Variants in KANK1 observed in about 807,000 individuals in gnomAD.
The protein encoded by KANK1 is KN motif and ankyrin repeat domains 1, also known as KN motif and ankyrin repeat domain-containing protein 1.
A neutral mutation model predicts 106.2 loss-of-function variants in KANK1; 109 were observed. The observed-to-expected ratio is 1.03, with a 90% CI of 0.88 to 1.20. The LOEUF (loss-of-function observed/expected upper bound fraction) is 1.20. Among genes scored for constraint, KANK1 ranks in the 50% most tolerant of loss-of-function variants. The pLI, the probability that KANK1 is intolerant of heterozygous loss-of-function variation, is 0.00. For synonymous variants in KANK1, 873 were observed against 652.2 expected (o/e 1.34, Z -5.16); for missense variants, 2,399 against 1,710.7 (o/e 1.40, Z -7.10).
chr9:472,360 C>G (rs767462029), intron 2 of KANK1, among the ~76,000 whole-genome samples: 10 of 152,188 alleles, frequency 6.6e-5, no homozygotes, highest in African/African-American at 1.9e-4. Context: ...TGAGAGATTT[C>G]CAACCCTCTG....
At chr9:653,548 G>T (rs1418537997) in intron 1 of KANK1, among the ~76,000 whole-genome samples, 2 of 152,102 alleles carry the variant, frequency 1.3e-5, no homozygotes, top group East Asian at 1.9e-4. Flanking sequence ...ATTTAATAAA[G>T]GCTGCAAAAC....
chr9:695,024 C>T (rs188256110), intron 2 of KANK1, among the ~76,000 whole-genome samples: 50 of 152,274 alleles, frequency 3.3e-4, no homozygotes, highest in African/African-American at 1.2e-3. Flanking sequence ...CACTGACCCC[C>T]CTCATTTTAA....
chr9:674,577 C>G (rs138185334), intron 1 of KANK1, among the ~76,000 whole-genome samples: 4 of 152,194 alleles, frequency 2.6e-5, no homozygotes, highest in East Asian at 3.9e-4. Flanking sequence ...TTTTTATTTA[C>G]TTATATTTCT....
At chr9:511,575 C>A (rs111698227) in intron 1 of KANK1, among the ~76,000 whole-genome samples, 106 of 152,008 alleles carry the variant, frequency 7.0e-4, no homozygotes, top group African/African-American at 2.5e-3. Context: ...TTGAGGCAGT[C>A]ACCTGTCCAG....
chr9:586,997 A>C (rs1428304675), intron 1 of KANK1, among the ~76,000 whole-genome samples: 3 of 152,222 alleles, frequency 2.0e-5, no homozygotes, highest in East Asian at 1.9e-4. Flanking sequence ...CCTCAAAAAC[A>C]TTTCTTTTTC....
At chr9:489,555 G>C (rs773060508) in intron 3 of KANK1, among the ~76,000 whole-genome samples, 1 of 152,186 alleles carries the variant, frequency 6.6e-6, no homozygotes, top group African/African-American at 2.4e-5. Context: ...AACTGGCCCA[G>C]ATTTGAAAAT....
rs2138876488 is a variant in KANK1, at chr9:676,905, G to C, written c.-68G>C. The C allele has an allele frequency of 1.5e-6, 2 of 1,307,078 alleles. No individual in the cohort carries two copies. The highest frequency in any genetic ancestry group is 2.3e-5 in the East Asian group (1 of 42,908). The allele number at this position is 1,307,078 out of a possible 1,614,324, so 81.0% of individuals were successfully genotyped here. On this transcript the variant is annotated 5_prime_UTR_variant, in exon 2 of 12. Coordinates refer to ENST00000382297, the MANE Select transcript of KANK1 (RefSeq NM_015158.5). ...ATTGTTTCAGGTTGAATGCCTTTGA[G>C]AACTTGATGCATAAAATTTGCATGA...
At chr9:734,458 G>C in intron 6 of KANK1, 1 of 277,716 alleles carries the variant, frequency 3.6e-6, no homozygotes, top group Non-Finnish European at 7.2e-6. Context: ...CTGAGGTCAG[G>C]AGTTCAAAAC....
At chr9:736,585 G>T (rs1767231032) in intron 7 of KANK1, among the ~76,000 whole-genome samples, 1 of 151,978 alleles carries the variant, frequency 6.6e-6, no homozygotes, top group Non-Finnish European at 1.5e-5. Flanking sequence ...CATGGTCCTA[G>T]CTACTTGGGA....
At chr9:694,363 C>T (rs1820706584) in intron 2 of KANK1, among the ~76,000 whole-genome samples, 1 of 152,182 alleles carries the variant, frequency 6.6e-6, no homozygotes, top group African/African-American at 2.4e-5. Flanking sequence ...CTTAGAACAG[C>T]ATGTTACTTT....
At chr9:701,192 C>T (rs1314396859) in intron 2 of KANK1, among the ~76,000 whole-genome samples, 1 of 152,184 alleles carries the variant, frequency 6.6e-6, no homozygotes, top group African/African-American at 2.4e-5. Context: ...TGGCTCACCA[C>T]AACCTCTGCC....
chr9:650,248 T>C (rs1204055977), intron 1 of KANK1, among the ~76,000 whole-genome samples: 1 of 152,198 alleles, frequency 6.6e-6, no homozygotes, highest in Non-Finnish European at 1.5e-5. Flanking sequence ...GAGTTTGGGA[T>C]TGGCCTCTGT....
chr9:734,125 A>G (rs1468095845), intron 6 of KANK1: 1 of 151,146 alleles, frequency 6.6e-6, no homozygotes, highest in Non-Finnish European at 1.5e-5. Context: ...AAAAAAAAAA[A>G]AAAAAAAACT....
upstream of KANK1, among the ~76,000 whole-genome samples, chr9:502,552 C>T (rs60064943): frequency 0.2 from 28,981 of 146,736 alleles, 5,928 homozygotes; most frequent in African/African-American, 0.54. Flanking sequence ...TTCTTAGAGT[C>T]GTGCTCTGTC....
chr9:745,347 G>T lies in KANK1; in HGVS notation c.*112G>T. 1 of 1,367,102 alleles carries T rather than the reference G, an allele frequency of 7.3e-7. No homozygotes were observed. The highest frequency in any genetic ancestry group is 1.0e-6 in the Non-Finnish European group (1 of 964,926). 84.7% of individuals were successfully genotyped at this position (1,367,102 alleles called of 1,614,324 possible). On this transcript the variant is annotated 3_prime_UTR_variant, in exon 12 of 12. Coordinates refer to ENST00000382297, the MANE Select transcript of KANK1 (RefSeq NM_015158.5). ...TTGTGCCTGAGCTCACCAGCAAACAGAAGCATCAAGCCCAGGGGTAAAGGC... is the reference window on the plus strand; with the variant it reads ...TTGTGCCTGAGCTCACCAGCAAACATAAGCATCAAGCCCAGGGGTAAAGGC...
At chr9:523,136 A>C (rs1442761057) in intron 1 of KANK1, among the ~76,000 whole-genome samples, 2 of 150,636 alleles carry the variant, frequency 1.3e-5, no homozygotes, top group Non-Finnish European at 1.5e-5. Context: ...CTCCAGTTCC[A>C]CTCTGTAAGG....
At chr9:633,987 A>C (rs1418371567) in intron 1 of KANK1, among the ~76,000 whole-genome samples, 1 of 152,228 alleles carries the variant, frequency 6.6e-6, no homozygotes, top group East Asian at 1.9e-4. Flanking sequence ...GAAAACCTTG[A>C]AACAAATTGC....
chr9:675,280 A>G (rs1816164590), intron 1 of KANK1, among the ~76,000 whole-genome samples: 1 of 152,122 alleles, frequency 6.6e-6, no homozygotes, highest in Middle Eastern at 3.2e-3. Context: ...GTGTATACAG[A>G]TATTATTTTG....
At chr9:732,183 G>A (rs576087997) in intron 5 of KANK1, 195 bp from the exon 6 acceptor site, 45 of 560,898 alleles carry the variant, frequency 8.0e-5, no homozygotes, top group East Asian at 2.9e-4. Context: ...ATATGATACC[G>A]ATAACCAGTT....
Sources: allele counts gnomAD v4.1 joint callset (sites outside exome capture counted in the v4.1 genomes callset), GRCh38; gene constraint gnomAD v4.1.1; transcripts MANE v1.5; gene names NCBI Gene and HGNC (gene_info 2026-07-23, HGNC 2026-07-21).